POMT2: variants seen among roughly 807,000 people sequenced by gnomAD.
POMT2 encodes protein O-mannosyl-transferase 2.
In POMT2, 75 loss-of-function variants were observed where a neutral mutation model predicts 100.0. The observed-to-expected ratio is 0.75, with a 90% CI of 0.62 to 0.91. The LOEUF is 0.91. Among genes scored for constraint, POMT2 ranks in the 40% least tolerant of loss-of-function variants. POMT2 has a pLI of 0.00. For missense variants in POMT2, 940 were observed against 955.1 expected, an observed-to-expected ratio of 0.98 and a Z score of 0.21; for synonymous variants, 378 against 374.1, an observed-to-expected ratio of 1.01 and a Z score of -0.12.
At chr14:77,279,096 G>A (rs149327774) in intron 18 of POMT2, 105 of 628,854 alleles carry the variant, frequency 1.7e-4, no homozygotes, top group African/African-American at 1.6e-3. Flanking sequence ...GGTGCACCAA[G>A]CACCAGCAGG....
At chr14:77,281,886 G>A (rs1890249648) in intron 15 of POMT2, among the ~76,000 whole-genome samples, 1 of 152,156 alleles carries the variant, frequency 6.6e-6, no homozygotes, top group Non-Finnish European at 1.5e-5. Context: ...GCCTAAGAAA[G>A]ACCCAGAAAG....
At chr14:77,284,085 GACA>G (rs1890329705) in intron 14 of POMT2, 2 of 601,724 alleles carry the variant, frequency 3.3e-6, no homozygotes, top group African/African-American at 3.7e-5. Context: ...AAAGGAAATA[GACA>G]ACAAGGTTTC....
chr14:77,285,514 A>G lies in POMT2; in HGVS notation c.1451T>C (p.Val484Ala), dbSNP rs761917543. ...CAGAACCTTTCCCGAGGAGCCCAGG[A>G]CACAACCTGTGACCAAATGGATGAA... ...IRFIHLVTGCVLGSSGKVLPK... is the reference protein window; with the variant it reads ...IRFIHLVTGCALGSSGKVLPK... Residue 484 changes from valine to alanine, a missense_variant, in exon 13 of 21, where the codon GTC (valine) becomes GCC (alanine). Val to Ala is a moderately conservative substitution (Grantham distance 64). Coordinates refer to ENST00000261534, the MANE Select transcript of POMT2 (RefSeq NM_013382.7). The G allele has an allele frequency of 3.3e-5, 54 of 1,614,198 alleles. No individual in the cohort carries two copies. Among genetic ancestry groups the G allele is most frequent in the Non-Finnish European group, 4.4e-5 (52 of 1,180,032 alleles).
chr14:77,305,356 G>GC (rs1555354668), intron 3 of POMT2, among the ~76,000 whole-genome samples: 3 of 151,956 alleles, frequency 2.0e-5, no homozygotes, highest in Non-Finnish European at 2.9e-5. Context: ...TTGGTTTTTT[G>GC]TTTTTTTAAG....
chr14:77,274,967 T>G lies in POMT2; in HGVS notation c.*2409A>C, dbSNP rs1321989860. ...AGGACAACAAGGCATTCAAAACAAG[T>G]GTTATTTATTATAAAATCAGTGGCT... is the stretch of plus-strand genomic sequence containing the variant. On this transcript the variant is annotated 3_prime_UTR_variant, in exon 21 of 21. Coordinates refer to ENST00000261534, the MANE Select transcript of POMT2 (RefSeq NM_013382.7). The G allele has an allele frequency of 2.0e-5, 3 of 152,120 alleles. No individual in the cohort carries two copies. Among genetic ancestry groups the G allele is most frequent in the African/African-American group, 7.2e-5 (3 of 41,418 alleles). 9.4% of individuals were successfully genotyped at this position (152,120 alleles called of 1,614,324 possible).
intron 20 of POMT2, 191 bp downstream of exon 20, chr14:77,278,203 T>A: frequency 1.6e-6 from 1 of 617,750 alleles, no homozygotes; most frequent in Non-Finnish European, 2.9e-6. Context: ...CTGCTTCTCC[T>A]ACCTGGCTGC....
At chr14:77,301,758 C>T (rs988157285) in intron 5 of POMT2, among the ~76,000 whole-genome samples, 2 of 152,184 alleles carry the variant, frequency 1.3e-5, no homozygotes, top group Non-Finnish European at 2.9e-5. Context: ...TCTTTTTGCA[C>T]AGGAGGAAAT....
In POMT2 at chr14:77,312,150, T is replaced by C; in HGVS notation, c.249-117A>G. ...GCATTTCAAACAATTAATGCAAAAG[T>C]CTGGATTTAAAAAAAAAATATTTTG... On this transcript the variant is annotated intron_variant, in intron 1 of 20. Coordinates refer to ENST00000261534, the MANE Select transcript of POMT2 (RefSeq NM_013382.7). The C allele has an allele frequency of 2.1e-6, 3 of 1,463,122 alleles. No homozygotes were observed. The South Asian group carries it at 4.1e-5, about 20-fold the overall frequency. The allele number at this position is 1,463,122 out of a possible 1,614,324, so 90.6% of individuals were successfully genotyped here. A position where few individuals can be genotyped will look rare whatever the true frequency, so the allele number is the denominator to read the frequency against.
At chr14:77,300,851 A>C in intron 6 of POMT2, 1 of 571,528 alleles carries the variant, frequency 1.7e-6, no homozygotes, top group Non-Finnish European at 3.0e-6. Flanking sequence ...ATTATAAAAC[A>C]AATGCAAAAA....
Position 77,278,803 on chromosome 14 carries a change from G to A in POMT2, c.1958C>T (p.Pro653Leu), listed in dbSNP as rs794727228. ...VLLGWTLHYFPFFLMGRVLYF... is the reference protein window; with the variant it reads ...VLLGWTLHYFLFFLMGRVLYF... ...GAGGACCCGGCCCATCAGGAAAAACGGGAAGTAATGGAGTGTCCAGCCGAG... is the reference window on the plus strand; with the variant it reads ...GAGGACCCGGCCCATCAGGAAAAACAGGAAGTAATGGAGTGTCCAGCCGAG... Residue 653 changes from proline to leucine, a missense_variant, in exon 19 of 21, where the codon CCG becomes CTG. By Grantham distance (98) the Pro-to-Leu change is moderately conservative. Transcript: ENST00000261534. 7.4e-6 allele frequency: 12 copies of A among 1,613,716 alleles called. No homozygotes were observed. Among genetic ancestry groups the A allele is most frequent in the South Asian group, 1.1e-5 (1 of 91,074 alleles).
chr14:77,281,507 C>T (rs568050900), intron 15 of POMT2, among the ~76,000 whole-genome samples: 12 of 152,216 alleles, frequency 7.9e-5, no homozygotes, highest in Admixed American at 2.0e-4. Flanking sequence ...CCTTTCTCTA[C>T]AGGGCAAACC....
At chr14:77,320,174 G>A (rs1891802472) in intron 1 of POMT2, 3 of 612,110 alleles carry the variant, frequency 4.9e-6, no homozygotes, top group Non-Finnish European at 8.5e-6. Context: ...CAAGCCAGGT[G>A]ATGCACTGTA....
intron 9 of POMT2, among the ~76,000 whole-genome samples, chr14:77,292,500 C>T (rs1890675140): frequency 6.6e-6 from 1 of 152,196 alleles, no homozygotes; most frequent in African/African-American, 2.4e-5. Context: ...AGACAGAATT[C>T]AAACCAGGGC....
chr14:77,285,005 G>A lies in POMT2; in HGVS notation c.1521C>T (p.Tyr507=). ...WEQLEVTCTP[Y]LKETLNSIWN... ...AGATGGAGTTGAGGGTTTCTTTCAG[G>A]TATGGGGTGCAAGTAACTTCCAACT... The change falls in exon 14 of 21, where the codon TAC becomes TAT. Residue 507 remains tyrosine (Y), a synonymous_variant. Transcript: ENST00000261534. 6.2e-7 allele frequency: 1 copy of A among 1,613,638 alleles called. No homozygotes were observed. Among genetic ancestry groups the A allele is most frequent in the Non-Finnish European group, 8.5e-7 (1 of 1,179,566 alleles).
rs778138973 is a variant in POMT2 at position 77,298,706 on chromosome 14, T to C, written c.989A>G (p.Asn330Ser). The stretch of plus-strand genomic sequence containing the variant: ...ACACTCACGTTCAGGGATGGAAGCA[T>C]TGTGCAGGTTGTTCCCTGAAAGCCG... ...QARLSGNNLH[N>S]ASIPEHLAYG... The change falls in exon 8 of 21, where the codon AAT becomes AGT. Residue 330 changes from asparagine to serine, a missense_variant. Physicochemically the swap from Asn to Ser is conservative, Grantham distance 46. Transcript: ENST00000261534. 5.6e-6 allele frequency: 9 copies of C among 1,613,640 alleles called. No individual in the cohort carries two copies. The highest frequency in any genetic ancestry group is 1.1e-5 in the South Asian group (1 of 90,894).
In POMT2 at chr14:77,285,669, G is replaced by A. The variant is rs1314213008; in HGVS notation, c.1333-37C>T. ...GCCAAGAAAAAAATACAAAGAAAGT[G>A]AGGGGACTTTAGAGAAAACGTGTCA... On this transcript the variant is annotated intron_variant, in intron 12 of 20. Transcript: ENST00000261534. 3 of 1,593,792 alleles carry A rather than the reference G, an allele frequency of 1.9e-6. No homozygotes were observed. The East Asian group carries it at 6.7e-5, about 36-fold the overall frequency.
intron 2 of POMT2, among the ~76,000 whole-genome samples, chr14:77,308,349 T>A (rs1170342507): frequency 1.8e-5 from 2 of 109,586 alleles, no homozygotes; most frequent in Non-Finnish European, 3.8e-5. Flanking sequence ...ATTGACAAAG[T>A]TTTTTTGTTT....
chr14:77,299,890 T>C (rs1165325939), intron 6 of POMT2: 2 of 360,218 alleles, frequency 5.6e-6, no homozygotes, highest in Non-Finnish European at 1.1e-5. Flanking sequence ...ACTAACCTCC[T>C]TGAACTTTCC....
chr14:77,299,580 G>A lies in POMT2; in HGVS notation c.817-19C>T, dbSNP rs202191456. The A allele has an allele frequency of 3.3e-5, 53 of 1,600,864 alleles. No individual in the cohort carries two copies. In the Middle Eastern group the frequency reaches 5.0e-4, roughly 15 times the overall value. On this transcript the variant is annotated intron_variant, in intron 6 of 20. Coordinates refer to ENST00000261534, the MANE Select transcript of POMT2 (RefSeq NM_013382.7). ...CAGTCACCTGCAAACAGAGGCCAGC[G>A]TGGGGTGCTAGGCATGTGAGACCTC...
Sources: allele counts gnomAD v4.1 joint callset (sites outside exome capture counted in the v4.1 genomes callset), GRCh38; gene constraint gnomAD v4.1.1; transcripts MANE v1.5; gene names NCBI Gene and HGNC (gene_info 2026-07-23, HGNC 2026-07-21).